Variants in PPP6R2 observed in about 807,000 individuals in gnomAD.
The protein encoded by PPP6R2 is serine/threonine-protein phosphatase 6 regulatory subunit 2.
In PPP6R2, 62 loss-of-function variants were observed where a neutral mutation model predicts 100.2. The observed-to-expected ratio is 0.62, with a 90% CI of 0.50 to 0.76. The LOEUF is 0.76. Ranked by LOEUF, PPP6R2 falls within the 30% of genes least tolerant of loss-of-function variation. The pLI, the probability that PPP6R2 is intolerant of heterozygous loss-of-function variation, is 0.00. For missense variants in PPP6R2, 1,142 were observed against 1,276.3 expected (o/e 0.89, Z 1.60); for synonymous variants, 525 against 514.7 (o/e 1.02, Z -0.27).
Position 50,431,588 on chromosome 22 carries a change from A to G in PPP6R2, c.1335+206A>G, listed in dbSNP as rs2148108861. On this transcript the variant is annotated intron_variant, in intron 11 of 23. Transcript: ENST00000612753. The surrounding 1 kb of genome is among the most constrained non-coding windows in gnomAD (Gnocchi z 4.8). ...GATCTCATTCCTACCTGCCTTCAGC[A>G]GGGGTACTGGTGCCTTCCACGTGCA... Among the ~76,000 whole-genome samples the G allele has an allele frequency of 6.6e-6, 1 of 152,344 alleles. No homozygotes were observed. Among genetic ancestry groups the G allele is most frequent in the South Asian group, 2.1e-4 (1 of 4,828 alleles).
At chr22:50,390,067 C>T (rs1308566262) in intron 2 of PPP6R2, among the ~76,000 whole-genome samples, 1 of 149,558 alleles carries the variant, frequency 6.7e-6, no homozygotes, top group Non-Finnish European at 1.5e-5. Flanking sequence ...TATCGGCTTA[C>T]TACAACCTCT....
intron 2 of PPP6R2, chr22:50,393,409 T>C: frequency 1.0e-6 from 1 of 985,316 alleles, no homozygotes; most frequent in Middle Eastern, 5.2e-4. Context: ...AGGGGAGATG[T>C]CCAGTGTTCA....
chr22:50,347,752 A>G (rs2044117366), intron 1 of PPP6R2, among the ~76,000 whole-genome samples: 1 of 151,532 alleles, frequency 6.6e-6, no homozygotes, highest in African/African-American at 2.4e-5. Context: ...TTGTTCTTTC[A>G]TCCACCCTTC....
At chr22:50,438,372 G>A (rs1164949869) in intron 18 of PPP6R2, 74 bp downstream of exon 18, 7 of 1,554,334 alleles carry the variant, frequency 4.5e-6, no homozygotes, top group Non-Finnish European at 3.5e-6. Context: ...CAGACGCCCT[G>A]TGGTTCGTTA....
At chr22:50,384,061 T>C (rs2053689974) in intron 2 of PPP6R2, among the ~76,000 whole-genome samples, 1 of 144,764 alleles carries the variant, frequency 6.9e-6, no homozygotes, top group Admixed American at 7.0e-5. Flanking sequence ...AAAAGAAGGA[T>C]GAACACCTTT....
intron 4 of PPP6R2, among the ~76,000 whole-genome samples, chr22:50,412,214 T>C (rs895580777): frequency 3.3e-5 from 5 of 151,994 alleles, no homozygotes; most frequent in African/African-American, 1.2e-4. Context: ...TTTTTGGAGA[T>C]AGACTCTCAC....
intron 2 of PPP6R2, among the ~76,000 whole-genome samples, chr22:50,389,982 CTTTTTCTTTT>C (rs896132166): frequency 5.5e-5 from 8 of 146,118 alleles, no homozygotes; most frequent in East Asian, 2.0e-4. Context: ...TTTCTTTTTT[CTTTTTCTTTT>C]TTTTTCTTTT....
intron 2 of PPP6R2, among the ~76,000 whole-genome samples, chr22:50,389,729 GC>G (rs2055038746): frequency 1.3e-5 from 2 of 151,962 alleles, no homozygotes; most frequent in South Asian, 4.2e-4. Flanking sequence ...CTCCCGACTA[GC>G]TGGGATTTCA....
the PPP6R2 span, among the ~76,000 whole-genome samples, chr22:50,336,162 G>C: frequency 6.6e-6 from 1 of 151,112 alleles, no homozygotes; most frequent in Admixed American, 6.6e-5. Flanking sequence ...TTTTGTTTTT[G>C]TATTTTTAGT....
Position 50,436,993 on chromosome 22 carries a change from C to T in PPP6R2, c.1608C>T (p.Ser536=). 1 of 1,555,944 alleles carries T rather than the reference C, an allele frequency of 6.4e-7. No individual in the cohort carries two copies. Among genetic ancestry groups the T allele is most frequent in the Non-Finnish European group, 8.7e-7 (1 of 1,149,794 alleles). The change falls in exon 15 of 24, where the codon AGC becomes AGT. Residue 536 remains serine, a synonymous_variant. Transcript: ENST00000612753. ...TNRRNTVDLV[S]THHLHSSSED... ...CCATCTGGCCTGTGTTTTAGGTGAG[C>T]ACTCACCACCTTCACTCCTCAAGTG...
chr22:50,339,328 T>G (rs1159714958), upstream of PPP6R2, among the ~76,000 whole-genome samples: 1 of 113,856 alleles, frequency 8.8e-6, no homozygotes. Flanking sequence ...GTAGTGTGTG[T>G]GGTGTGTGTG....
intron 3 of PPP6R2, among the ~76,000 whole-genome samples, chr22:50,406,370 G>A (rs1474146698): frequency 2.0e-5 from 3 of 151,792 alleles, no homozygotes; most frequent in Non-Finnish European, 2.9e-5. Context: ...GAGAGACCTG[G>A]CAGGCGAGTG....
upstream of PPP6R2, among the ~76,000 whole-genome samples, chr22:50,342,844 C>T (rs1415252142): frequency 1.3e-5 from 2 of 151,766 alleles, no homozygotes; most frequent in African/African-American, 4.8e-5. Context: ...GGACGCGGGA[C>T]GGGGAGGGGC....
chr22:50,416,898 G>A (rs1785530777), intron 6 of PPP6R2, among the ~76,000 whole-genome samples: 1 of 151,670 alleles, frequency 6.6e-6, no homozygotes, highest in Admixed American at 6.6e-5. Context: ...GGAGCTTGCA[G>A]TGAGCCGAGA....
In PPP6R2 at chr22:50,444,338, T is replaced by C; in HGVS notation, c.*91T>C. On this transcript the variant is annotated 3_prime_UTR_variant, in exon 24 of 24. Coordinates refer to ENST00000612753, the MANE Select transcript of PPP6R2 (RefSeq NM_001242898.2). ...GTGATGCAATCTTTTTTTTTTTTAA[T>C]TTAATTTAATTTTAAAATAAATGCT... 1.4e-6 allele frequency: 2 copies of C among 1,380,268 alleles called. No homozygotes were observed. Among genetic ancestry groups the C allele is most frequent in the Non-Finnish European group, 2.0e-6 (2 of 1,018,644 alleles). 85.5% of individuals were successfully genotyped at this position (1,380,268 alleles called of 1,614,324 possible).
At position 50,438,613 on chromosome 22, in the gene PPP6R2, A is replaced by G. The variant is rs772628344; in HGVS notation, c.1979A>G (p.His660Arg). The G allele has an allele frequency of 5.0e-6, 8 of 1,613,642 alleles. No individual in the cohort carries two copies. Among genetic ancestry groups the G allele is most frequent in the East Asian group, 4.5e-5 (2 of 44,864 alleles). ...VMARPRFGAPHASESCSKNGP... is the reference protein window; with the variant it reads ...VMARPRFGAPRASESCSKNGP... ...ATCTCCCCCAGGTTTGGAGCCCCCCATGCTTCAGAGAGTTGCTCAAAGAAT... is the reference window on the plus strand; with the variant it reads ...ATCTCCCCCAGGTTTGGAGCCCCCCGTGCTTCAGAGAGTTGCTCAAAGAAT... The change falls in exon 19 of 24, where the codon CAT becomes CGT. Residue 660 changes from histidine to arginine, a missense_variant. Around this residue, in one of 2 missense-constraint regions of PPP6R2, gnomAD observed 550 missense variants for 517.4 expected, o/e 1.06. Coordinates refer to ENST00000612753, the MANE Select transcript of PPP6R2 (RefSeq NM_001242898.2).
At chr22:50,412,587 C>T (rs1451514592) in intron 4 of PPP6R2, among the ~76,000 whole-genome samples, 1 of 141,388 alleles carries the variant, frequency 7.1e-6, no homozygotes, top group Non-Finnish European at 1.5e-5. Flanking sequence ...TTAGTATGTT[C>T]TGGAACTATT....
chr22:50,415,148 A>G (rs1018955825), intron 5 of PPP6R2, among the ~76,000 whole-genome samples: 1 of 152,248 alleles, frequency 6.6e-6, no homozygotes. Flanking sequence ...GTGTTTAGTC[A>G]GTGAGAACAG....
rs1177356000 is a variant in PPP6R2, at chr22:50,444,483, C to T, written c.*236C>T. The T allele has an allele frequency of 1.5e-5, 8 of 531,838 alleles. No homozygotes were observed. The highest frequency in any genetic ancestry group is 2.6e-5 in the Non-Finnish European group (8 of 311,904). The allele number at this position is 531,838 out of a possible 1,614,324, so 32.9% of individuals were successfully genotyped here. Reference sequence around the variant, plus strand: ...AGGACAGAGGGGCACCTCAGCCGCCCCCAAGCCCAGAGCACAGCAATAAGG... The same window carrying T: ...AGGACAGAGGGGCACCTCAGCCGCCTCCAAGCCCAGAGCACAGCAATAAGG... On this transcript the variant is annotated 3_prime_UTR_variant, in exon 24 of 24. Transcript: ENST00000612753.
Sources: allele counts gnomAD v4.1 joint callset (sites outside exome capture counted in the v4.1 genomes callset), GRCh38; gene constraint gnomAD v4.1.1; regional missense constraint gnomAD v4.1.1; non-coding constraint Gnocchi (gnomAD v3.1); transcripts MANE v1.5; gene names NCBI Gene and HGNC (gene_info 2026-07-23, HGNC 2026-07-21).